Variants in APPBP2 observed in about 807,000 individuals in gnomAD.
The protein encoded by APPBP2 is amyloid protein-binding protein 2.
A neutral mutation model predicts 76.0 loss-of-function variants in APPBP2; 15 were observed. That is an observed-to-expected ratio of 0.20 (90% CI 0.13 to 0.30). APPBP2 has a LOEUF of 0.30. Ranked by LOEUF, APPBP2 falls within the 10% of genes least tolerant of loss-of-function variation. The probability of loss-of-function intolerance (pLI) is 1.00; values close to 1 mark genes in which losing one functional copy is unlikely to be tolerated. For missense variants in APPBP2, 401 were observed against 687.2 expected (o/e 0.58, Z 4.66); for synonymous variants, 222 against 242.2 (o/e 0.92, Z 0.77).
At position 60,501,131 on chromosome 17, in the gene APPBP2, T is replaced by C. The variant is rs376811998; in HGVS notation, c.139-644A>G. Among the ~76,000 whole-genome samples the C allele has an allele frequency of 1.1e-3, 173 of 152,096 alleles. 1 individual carries two copies. Among genetic ancestry groups the C allele is most frequent in the African/African-American group, 4.0e-3 (166 of 41,494 alleles). ...GAGTTTGAGACAGGCCTGGGCAACATAGCAAGACCCTATTTATAAAATATA... is the reference window on the plus strand; with the variant it reads ...GAGTTTGAGACAGGCCTGGGCAACACAGCAAGACCCTATTTATAAAATATA... On this transcript the variant is annotated intron_variant, in intron 1 of 12. Transcript: ENST00000083182.
chr17:60,482,920 ATT>A (rs2090642210), intron 3 of APPBP2, among the ~76,000 whole-genome samples: 1 of 152,192 alleles, frequency 6.6e-6, no homozygotes, highest in South Asian at 2.1e-4. Context: ...TAGTAGCATG[ATT>A]TATAATCCTT....
At chr17:60,489,202 A>G (rs2090706214) in intron 3 of APPBP2, among the ~76,000 whole-genome samples, 1 of 152,050 alleles carries the variant, frequency 6.6e-6, no homozygotes, top group Non-Finnish European at 1.5e-5. Context: ...AGCCTGGGCG[A>G]CAGTACAAGA....
At position 60,447,529 on chromosome 17, in the gene APPBP2, T is replaced by C. The variant is rs1399598864; in HGVS notation, c.*52A>G. The C allele has an allele frequency of 1.3e-6, 2 of 1,550,030 alleles. No individual in the cohort carries two copies. The highest frequency in any genetic ancestry group is 1.4e-5 in the African/African-American group (1 of 72,772). ...AAACAACATGGTTTTGATTTCACAG[T>C]ATGAATTCCCTGGAATCCGGGAAAA... On this transcript the variant is annotated 3_prime_UTR_variant, in exon 13 of 13. Transcript: ENST00000083182.
At chr17:60,453,434 C>G (rs1212663816) in intron 11 of APPBP2, among the ~76,000 whole-genome samples, 1 of 152,072 alleles carries the variant, frequency 6.6e-6, no homozygotes, top group Admixed American at 6.6e-5. Flanking sequence ...TTCTGCACAC[C>G]TTGGCCTCCC....
chr17:60,497,913 T>C (rs1255995684), intron 2 of APPBP2, among the ~76,000 whole-genome samples: 1 of 151,806 alleles, frequency 6.6e-6, no homozygotes, highest in African/African-American at 2.4e-5. Context: ...CCAAGGCAGG[T>C]GGATGGCTTG....
chr17:60,482,871 T>C (rs920143085), intron 3 of APPBP2, among the ~76,000 whole-genome samples: 1 of 152,214 alleles, frequency 6.6e-6, no homozygotes, highest in Non-Finnish European at 1.5e-5. Context: ...TTTGCTATTG[T>C]GAAGTGCCGT....
intron 4 of APPBP2, among the ~76,000 whole-genome samples, chr17:60,472,706 T>A (rs1288694340): frequency 6.6e-6 from 1 of 152,192 alleles, no homozygotes; most frequent in African/African-American, 2.4e-5. Context: ...AAATGACTGG[T>A]ACACAAAGAA....
chr17:60,519,778 A>ATTTTTTTTTT (rs748167583), intron 1 of APPBP2, among the ~76,000 whole-genome samples: 1 of 117,856 alleles, frequency 8.5e-6, no homozygotes, highest in Non-Finnish European at 1.7e-5. Context: ...GCCAAATTTA[A>ATTTTTTTTTT]TTTTTTTTTT....
At chr17:60,505,676 G>GTTTTTTGTT (rs2090861175) in intron 1 of APPBP2, among the ~76,000 whole-genome samples, 1 of 85,716 alleles carries the variant, frequency 1.2e-5, no homozygotes, top group African/African-American at 7.7e-5. Flanking sequence ...GACCCCTGCG[G>GTTTTTTGTT]TTTTTTTTTT....
chr17:60,465,820 C>T (rs1307494335), intron 5 of APPBP2, among the ~76,000 whole-genome samples: 1 of 152,186 alleles, frequency 6.6e-6, no homozygotes, highest in Non-Finnish European at 1.5e-5. Context: ...ATTCACCTCA[C>T]AAACACTCCT....
At chr17:60,503,448 C>T (rs1046125537) in intron 1 of APPBP2, among the ~76,000 whole-genome samples, 2 of 144,088 alleles carry the variant, frequency 1.4e-5, no homozygotes, top group South Asian at 2.1e-4. Context: ...AGTACAGTGG[C>T]GTGACTGACT....
intron 4 of APPBP2, among the ~76,000 whole-genome samples, chr17:60,478,946 T>G (rs1035254818): frequency 6.6e-6 from 1 of 152,156 alleles, no homozygotes; most frequent in Non-Finnish European, 1.5e-5. Flanking sequence ...TTCTGGTTCA[T>G]AATACTCAAA....
At chr17:60,510,150 C>T (rs1214857861) in intron 1 of APPBP2, among the ~76,000 whole-genome samples, 6 of 152,144 alleles carry the variant, frequency 3.9e-5, no homozygotes, top group Non-Finnish European at 8.8e-5. Flanking sequence ...CACCTGTAAT[C>T]CCAGCAATTT....
chr17:60,455,936 TC>T (rs1036407850), intron 10 of APPBP2, among the ~76,000 whole-genome samples: 3 of 152,076 alleles, frequency 2.0e-5, no homozygotes, highest in African/African-American at 7.2e-5. Context: ...CGCCACCACA[TC>T]CGGCTAATTT....
intron 5 of APPBP2, among the ~76,000 whole-genome samples, chr17:60,464,468 G>A (rs1192638744): frequency 6.6e-6 from 1 of 152,010 alleles, no homozygotes; most frequent in South Asian, 2.1e-4. Flanking sequence ...GGTTTCCTGT[G>A]TTTTCCTATA....
rs528915748 is a variant in APPBP2 at position 60,472,269 on chromosome 17, A to G, written c.504-5810T>C. On this transcript the variant is annotated intron_variant, in intron 4 of 12. Transcript: ENST00000083182. ...GCTAATTCTTTAAATGTTTGATAGAATTCACTAGTGAAGTCTTCAGTCCTG... is the reference window on the plus strand; with the variant it reads ...GCTAATTCTTTAAATGTTTGATAGAGTTCACTAGTGAAGTCTTCAGTCCTG... Among the ~76,000 whole-genome samples, 3 of 152,324 alleles carry G rather than the reference A, an allele frequency of 2.0e-5. No individual in the cohort carries two copies. In the East Asian group the frequency reaches 5.8e-4, roughly 29 times the overall value.
intron 1 of APPBP2, among the ~76,000 whole-genome samples, chr17:60,517,077 G>A (rs549232065): frequency 6.6e-6 from 1 of 152,270 alleles, no homozygotes; most frequent in South Asian, 2.1e-4. Flanking sequence ...CTGGGTTCAA[G>A]CAATTCTCCT....
chr17:60,489,610 CA>C (rs746715643), intron 3 of APPBP2, among the ~76,000 whole-genome samples: 2,391 of 53,544 alleles, frequency 0.045, 29 homozygotes, highest in African/African-American at 0.083. Context: ...GACCATGTCT[CA>C]AAAAAAAAAA....
At chr17:60,455,808 C>T (rs188820035) in intron 10 of APPBP2, among the ~76,000 whole-genome samples, 11 of 131,840 alleles carry the variant, frequency 8.3e-5, no homozygotes, top group Admixed American at 6.3e-4. Flanking sequence ...GACAGAGTCT[C>T]GTTCTGTTGC....
Sources: gnomAD v4.1 joint callset for allele counts (sites outside exome capture counted in the v4.1 genomes callset) on GRCh38, gnomAD v4.1.1 for gene constraint, MANE v1.5 for transcripts, NCBI Gene and HGNC (gene_info 2026-07-23, HGNC 2026-07-21) for gene names.